Variants in RAB11FIP3 observed in about 807,000 individuals in gnomAD.
RAB11FIP3 encodes the protein RAB11 family interacting protein 3.
Under a neutral mutation model 77.8 loss-of-function variants are expected in RAB11FIP3, and 17 were observed. That is an observed-to-expected ratio of 0.22 (90% confidence interval 0.15 to 0.33). RAB11FIP3 has a LOEUF of 0.33. Ranked by LOEUF, RAB11FIP3 falls within the 10% of genes least tolerant of loss-of-function variation. The pLI is 1.00. For synonymous variants in RAB11FIP3, 437 were observed against 448.2 expected (o/e 0.98, Z 0.31); for missense variants, 1,005 against 1,011.2 (o/e 0.99, Z 0.08).
chr16:488,436 C>T (rs1367990898), intron 4 of RAB11FIP3, among the ~76,000 whole-genome samples: 1 of 151,588 alleles, frequency 6.6e-6, no homozygotes, highest in Non-Finnish European at 1.5e-5. Flanking sequence ...TGAGACAGGG[C>T]CTTGCTCTGT....
At position 496,878 on chromosome 16, in the gene RAB11FIP3, C is replaced by T. The variant is rs746255631; in HGVS notation, c.1301+19C>T. The T allele has an allele frequency of 6.4e-6, 10 of 1,558,714 alleles. No individual in the cohort carries two copies. Among genetic ancestry groups the T allele is most frequent in the Non-Finnish European group, 8.8e-6 (10 of 1,130,468 alleles). On this transcript the variant is annotated intron_variant, in intron 6 of 13. Transcript: ENST00000262305. ...TGGCAAGGTAGGTGGGTCTCTGGTT[C>T]CTGCTGAAAAACGTTCTGAAGTGGA...
intron 2 of RAB11FIP3, among the ~76,000 whole-genome samples, chr16:465,546 G>A (rs963921099): frequency 6.6e-6 from 1 of 152,206 alleles, no homozygotes; most frequent in African/African-American, 2.4e-5. Flanking sequence ...GCAAAACAGA[G>A]GGAAGTAGAT....
In RAB11FIP3 at chr16:496,862, A is replaced by AGGTG; in HGVS notation, c.1301+7_1301+10dup. ...CTCTCCAGCAAGAAGGTGGCAAGGT[A>AGGTG]GGTGGGTCTCTGGTTCCTGCTGAAA... On this transcript the variant is annotated splice_donor_region_variant and intron_variant, in intron 6 of 13. Coordinates refer to ENST00000262305, the MANE Select transcript of RAB11FIP3 (RefSeq NM_014700.4). The AGGTG allele has an allele frequency of 6.3e-7, 1 of 1,581,828 alleles. No individual in the cohort carries two copies. Among genetic ancestry groups the AGGTG allele is most frequent in the Non-Finnish European group, 8.7e-7 (1 of 1,150,860 alleles).
chr16:487,731 C>T (rs770263071), intron 4 of RAB11FIP3, among the ~76,000 whole-genome samples: 1 of 151,968 alleles, frequency 6.6e-6, no homozygotes, highest in Non-Finnish European at 1.5e-5. Context: ...CCGCTGAAGG[C>T]ACAGCTGTTT....
At chr16:499,143 C>T (rs2031339289) in intron 6 of RAB11FIP3, among the ~76,000 whole-genome samples, 1 of 152,064 alleles carries the variant, frequency 6.6e-6, no homozygotes, top group Non-Finnish European at 1.5e-5. Flanking sequence ...ACCCTGGAGG[C>T]GGAGCTTGGA....
At position 426,574 on chromosome 16, in the gene RAB11FIP3, A is replaced by G. The variant is rs896974325; in HGVS notation, c.568A>G (p.Thr190Ala). 3 of 1,594,044 alleles carry G rather than the reference A, an allele frequency of 1.9e-6. No homozygotes were observed. Among genetic ancestry groups the G allele is most frequent in the Non-Finnish European group, 2.6e-6 (3 of 1,172,114 alleles). ...SPPQPSDLSQ[T>A]HPLPSEPVGS... ...GCCGCAGCCCTCGGACCTCAGCCAG[A>G]CCCACCCCCTTCCGAGCGAGCCCGT... The change falls in exon 1 of 14, where the codon ACC (threonine) becomes GCC (alanine). Residue 190 changes from threonine (T) to alanine (A), a missense_variant. Around this residue, in one of 4 missense-constraint regions of RAB11FIP3, gnomAD observed 466 missense variants for 408.3 expected, o/e 1.14. Transcript: ENST00000262305. This position sits in a 1 kb window ranked among gnomAD's most constrained non-coding sequence, Gnocchi z 5.0.
At chr16:489,971 C>G (rs1337459065) in intron 5 of RAB11FIP3, among the ~76,000 whole-genome samples, 2 of 152,202 alleles carry the variant, frequency 1.3e-5, no homozygotes, top group Non-Finnish European at 2.9e-5. Context: ...GTGTGCTTGT[C>G]TTAGGCACTT....
chr16:492,601 G>T (rs183169897), intron 5 of RAB11FIP3, among the ~76,000 whole-genome samples: 1 of 145,758 alleles, frequency 6.9e-6, no homozygotes, highest in African/African-American at 2.7e-5. Context: ...TTCTGCCTGC[G>T]TGTGTGTTCA....
At chr16:446,336 G>A (rs1027355012) in intron 1 of RAB11FIP3, among the ~76,000 whole-genome samples, 1 of 152,304 alleles carries the variant, frequency 6.6e-6, no homozygotes, top group East Asian at 1.9e-4. Context: ...GCAGAACAGT[G>A]GTACCCAGAG....
intron 5 of RAB11FIP3, among the ~76,000 whole-genome samples, chr16:492,949 T>C (rs569438331): frequency 1.3e-5 from 2 of 152,214 alleles, no homozygotes; most frequent in South Asian, 4.1e-4. Flanking sequence ...CCCCTTTTCC[T>C]AAGACTCTAT....
intron 12 of RAB11FIP3, 80 bp downstream of exon 12, chr16:520,357 G>C: frequency 1.3e-6 from 2 of 1,579,974 alleles, no homozygotes; most frequent in Non-Finnish European, 1.7e-6. Flanking sequence ...GGCCGTGGAG[G>C]GTCAGCATCT....
intron 6 of RAB11FIP3, 129 bp downstream of exon 6, chr16:496,988 T>C: frequency 9.6e-7 from 1 of 1,038,708 alleles, no homozygotes; most frequent in South Asian, 1.5e-5. Context: ...CTTTACATGG[T>C]TTGGGGCTGA....
chr16:488,755 C>A, intron 4 of RAB11FIP3, 96 bp from the exon 5 acceptor site: 2 of 1,249,264 alleles, frequency 1.6e-6, no homozygotes, highest in Non-Finnish European at 2.2e-6. Context: ...TCACGTGTGG[C>A]TTGTAGCACA....
At chr16:438,750 C>T (rs537707896) in intron 1 of RAB11FIP3, among the ~76,000 whole-genome samples, 3 of 149,514 alleles carry the variant, frequency 2.0e-5, no homozygotes, top group East Asian at 2.0e-4. Context: ...AGTGCGGTGG[C>T]GCGATCTCAG....
intron 1 of RAB11FIP3, among the ~76,000 whole-genome samples, chr16:427,256 T>G (rs1042144268): frequency 2.0e-5 from 3 of 152,254 alleles, no homozygotes; most frequent in Non-Finnish European, 4.4e-5. Flanking sequence ...TTTCATCTTT[T>G]ATTTGGGAGA....
chr16:510,870 C>T (rs148369297), intron 9 of RAB11FIP3, 70 bp downstream of exon 9: 162 of 1,542,882 alleles, frequency 1.0e-4, no homozygotes, highest in Admixed American at 2.6e-4. Flanking sequence ...CCCAACAGCC[C>T]GCCAGCCCCA....
chr16:500,887 G>T (rs58586005), intron 6 of RAB11FIP3, among the ~76,000 whole-genome samples: 1 of 152,062 alleles, frequency 6.6e-6, no homozygotes, highest in Admixed American at 6.6e-5. Context: ...CTGACAGGTC[G>T]TGGCCTCTCA....
At chr16:449,146 C>T (rs2055366557) in intron 1 of RAB11FIP3, among the ~76,000 whole-genome samples, 1 of 152,034 alleles carries the variant, frequency 6.6e-6, no homozygotes, top group African/African-American at 2.4e-5. Context: ...GCTGCCGGCC[C>T]CCTGCTCACT....
At chr16:433,297 C>G (rs1000059005) in intron 1 of RAB11FIP3, among the ~76,000 whole-genome samples, 3 of 140,368 alleles carry the variant, frequency 2.1e-5, no homozygotes, top group Admixed American at 1.5e-4. Flanking sequence ...TCCCAAAGTA[C>G]TGGGATTACA....
Sources: allele counts gnomAD v4.1 joint callset (sites outside exome capture counted in the v4.1 genomes callset), GRCh38; gene constraint gnomAD v4.1.1; regional missense constraint gnomAD v4.1.1; non-coding constraint Gnocchi (gnomAD v3.1); transcripts MANE v1.5; gene names NCBI Gene and HGNC (gene_info 2026-07-23, HGNC 2026-07-21).